The following SAMTOR variants were observed in gnomAD, a reference collection of about 807,000 sequenced individuals.
The protein encoded by SAMTOR is UPF0532 protein C7orf60.
chr7:112,915,212 G>A, the SAMTOR span: 2 of 1,267,516 alleles, frequency 1.6e-6, no homozygotes, highest in Non-Finnish European at 2.2e-6. Context: ...ACTCCAGCCT[G>A]GGTGACAGAG....
chr7:112,896,484 AG>A, the SAMTOR span, among the ~76,000 whole-genome samples: 175 of 152,350 alleles, frequency 1.1e-3, 1 homozygote, highest in African/African-American at 4.1e-3. Flanking sequence ...TCATGCTTAC[AG>A]GATCCCATTA....
the SAMTOR span, among the ~76,000 whole-genome samples, chr7:112,922,927 C>T: frequency 6.8e-6 from 1 of 147,746 alleles, no homozygotes; most frequent in African/African-American, 2.6e-5. Context: ...TCCGTCCCTA[C>T]TGGGAAGTGA....
At chr7:112,928,596 C>CA in the SAMTOR span, among the ~76,000 whole-genome samples, 80 of 151,916 alleles carry the variant, frequency 5.3e-4, no homozygotes, top group African/African-American at 1.8e-3. Flanking sequence ...TCATCATGCT[C>CA]AAAAAATAAA....
the SAMTOR span, among the ~76,000 whole-genome samples, chr7:112,865,031 G>T: frequency 6.6e-6 from 1 of 152,188 alleles, no homozygotes; most frequent in Non-Finnish European, 1.5e-5. Context: ...TGGGATTACA[G>T]GTGTGAGCCA....
chr7:112,826,779 TGA>T, the SAMTOR span, among the ~76,000 whole-genome samples: 1 of 152,182 alleles, frequency 6.6e-6, no homozygotes, highest in Non-Finnish European at 1.5e-5. Flanking sequence ...GTGACTTTAG[TGA>T]CATCTATGCA....
the SAMTOR span, among the ~76,000 whole-genome samples, chr7:112,860,494 CTTAG>C: frequency 3.5e-4 from 53 of 152,266 alleles, 1 homozygote; most frequent in South Asian, 1.7e-3. Flanking sequence ...TTTTCTTGCT[CTTAG>C]TTAAGTGCAT....
chr7:112,865,623 C>CAT, the SAMTOR span, among the ~76,000 whole-genome samples: 4 of 144,536 alleles, frequency 2.8e-5, no homozygotes, highest in Non-Finnish European at 6.0e-5. Context: ...TACATATATT[C>CAT]ATATATATAT....
the SAMTOR span, among the ~76,000 whole-genome samples, chr7:112,897,819 T>C: frequency 6.6e-6 from 1 of 152,114 alleles, no homozygotes; most frequent in Non-Finnish European, 1.5e-5. Context: ...AATATCAAAT[T>C]GAGTAACTAT....
At chr7:112,878,248 C>T in the SAMTOR span, among the ~76,000 whole-genome samples, 1 of 152,148 alleles carries the variant, frequency 6.6e-6, no homozygotes, top group Non-Finnish European at 1.5e-5. Flanking sequence ...ATGAAGAATG[C>T]AATGACTATT....
the SAMTOR span, among the ~76,000 whole-genome samples, chr7:112,829,058 ATTGGAAAGT>A: frequency 6.6e-6 from 1 of 152,136 alleles, no homozygotes; most frequent in African/African-American, 2.4e-5. Flanking sequence ...CTTTAATTAA[ATTGGAAAGT>A]TTTTGGCCAT....
chr7:112,865,471 T>A, the SAMTOR span, among the ~76,000 whole-genome samples: 1 of 151,944 alleles, frequency 6.6e-6, no homozygotes, highest in East Asian at 1.9e-4. Context: ...GAAGACAGGG[T>A]TTCGCCATGT....
the SAMTOR span, among the ~76,000 whole-genome samples, chr7:112,921,761 A>C: frequency 5.9e-5 from 1 of 16,890 alleles, no homozygotes; most frequent in Non-Finnish European, 1.1e-4. Context: ...GAAAAAAACA[A>C]ACAACCCCAT....
At chr7:112,892,801 T>C in the SAMTOR span, among the ~76,000 whole-genome samples, 12 of 151,686 alleles carry the variant, frequency 7.9e-5, no homozygotes, top group Admixed American at 2.0e-4. Context: ...TAATATGACC[T>C]GAAAGTCTAA....
the SAMTOR span, among the ~76,000 whole-genome samples, chr7:112,829,035 T>C: frequency 6.6e-6 from 1 of 152,206 alleles, no homozygotes. Flanking sequence ...TCTTTGAATT[T>C]GTGAGTTTAA....
At chr7:112,906,049 T>C in the SAMTOR span, among the ~76,000 whole-genome samples, 1 of 152,052 alleles carries the variant, frequency 6.6e-6, no homozygotes, top group Non-Finnish European at 1.5e-5. Flanking sequence ...CATTAAAAAA[T>C]GAAAATCATC....
the SAMTOR span, among the ~76,000 whole-genome samples, chr7:112,918,562 A>C: frequency 0.01 from 1,584 of 152,264 alleles, 28 homozygotes; most frequent in African/African-American, 0.036. Context: ...TAACCAGCTA[A>C]CATCATAATG....
the SAMTOR span, among the ~76,000 whole-genome samples, chr7:112,862,495 T>C: frequency 6.6e-6 from 1 of 152,204 alleles, no homozygotes; most frequent in Non-Finnish European, 1.5e-5. Flanking sequence ...TATACAAGGC[T>C]ACTGGTGCCA....
At chr7:112,873,947 A>G in the SAMTOR span, among the ~76,000 whole-genome samples, 1 of 152,170 alleles carries the variant, frequency 6.6e-6, no homozygotes, top group Admixed American at 6.5e-5. Context: ...CAAACGTTGA[A>G]AAAAATGTTC....
At chr7:112,936,323 G>C in the SAMTOR span, among the ~76,000 whole-genome samples, 1,624 of 152,282 alleles carry the variant, frequency 0.011, 30 homozygotes, top group African/African-American at 0.037. Context: ...TCAGATACGA[G>C]TGCTGCCTGG....
Sources: gnomAD v4.1 joint callset for allele counts (sites outside exome capture counted in the v4.1 genomes callset) on GRCh38, gnomAD v4.1.1 for gene constraint, MANE v1.5 for transcripts, NCBI Gene and HGNC (gene_info 2026-07-23, HGNC 2026-07-21) for gene names.